Variants in PRMT7 observed in about 807,000 individuals in gnomAD.
The protein encoded by PRMT7 is protein arginine N-methyltransferase 7.
Under a neutral mutation model 85.4 loss-of-function variants are expected in PRMT7, and 75 were observed. The ratio of observed to expected loss-of-function variants is 0.88; its 90% confidence interval spans 0.73 to 1.06. The LOEUF is 1.06. Among genes scored for constraint, PRMT7 ranks in the 50% least tolerant of loss-of-function variants. PRMT7 has a pLI of 0.00. For synonymous variants in PRMT7, 397 were observed against 359.5 expected (o/e 1.10, Z -1.18); for missense variants, 868 against 915.2 (o/e 0.95, Z 0.67).
intron 14 of PRMT7, among the ~76,000 whole-genome samples, chr16:68,350,476 T>TG (rs2087146981): frequency 6.6e-6 from 1 of 152,164 alleles, no homozygotes; most frequent in Non-Finnish European, 1.5e-5. Flanking sequence ...AGTGTGGTGA[T>TG]GTCTCCACAT....
intron 6 of PRMT7, among the ~76,000 whole-genome samples, chr16:68,333,559 A>G (rs8057519): frequency 1 from 151,703 of 152,244 alleles, 75,583 homozygotes; most frequent in Middle Eastern, 1. Flanking sequence ...CAGGCCTCAC[A>G]CAGTCCTTCT....
At chr16:68,359,617 G>A (rs1451562478), downstream of PRMT7, 1 of 152,744 alleles carries the variant, frequency 6.5e-6, no homozygotes, top group Non-Finnish European at 1.5e-5. Flanking sequence ...CACCAGGAGG[G>A]GCTGACAGCA....
intron 15 of PRMT7, 106 bp downstream of exon 15, chr16:68,352,515 G>A (rs762916276): frequency 2.8e-5 from 32 of 1,123,880 alleles, no homozygotes; most frequent in Non-Finnish European, 3.8e-5. Flanking sequence ...AGGCCTTGAT[G>A]ATTTGAGCTT....
At chr16:68,324,450 A>G in intron 4 of PRMT7, 1 of 559,994 alleles carries the variant, frequency 1.8e-6, no homozygotes. Flanking sequence ...CTCTGGCATC[A>G]CTTAGTAGAG....
chr16:68,345,571 T>A (rs571906706), intron 9 of PRMT7, 104 bp from the exon 10 acceptor site: 4 of 1,515,644 alleles, frequency 2.6e-6, no homozygotes, highest in Middle Eastern at 2.3e-4. Flanking sequence ...TAGTCTACAT[T>A]GTGGACGTCC....
chr16:68,321,618 C>CT, intron 4 of PRMT7, 156 bp downstream of exon 4: 1 of 626,832 alleles, frequency 1.6e-6, no homozygotes, highest in East Asian at 2.8e-5. Context: ...GGTCCTACTT[C>CT]TGGCTCTATT....
chr16:68,325,534 C>T (rs934027306), intron 5 of PRMT7, among the ~76,000 whole-genome samples: 1 of 151,820 alleles, frequency 6.6e-6, no homozygotes, highest in Admixed American at 6.6e-5. Context: ...GTGTCTCACC[C>T]CTGTAATCCC....
Position 68,315,909 on chromosome 16 carries a change from C to T in PRMT7, c.-71C>T. ...CTGATGTTAATAGATTTCTGACAGT[C>T]AGACTTGTCCACAAGAACTCAACTG... On this transcript the variant is annotated 5_prime_UTR_variant, in exon 3 of 19. Coordinates refer to ENST00000441236, the MANE Select transcript of PRMT7 (RefSeq NM_019023.5). The T allele has an allele frequency of 7.9e-7, 1 of 1,259,406 alleles. No individual in the cohort carries two copies. 78.0% of individuals were successfully genotyped at this position (1,259,406 alleles called of 1,614,324 possible).
intron 4 of PRMT7, among the ~76,000 whole-genome samples, chr16:68,322,187 G>GT (rs1240343302): frequency 1.4e-4 from 21 of 152,080 alleles, no homozygotes; most frequent in African/African-American, 5.1e-4. Flanking sequence ...GGCCTTCACT[G>GT]TAGTTTTAAT....
At position 68,339,460 on chromosome 16, in the gene PRMT7, G is replaced by A; in HGVS notation, c.643G>A (p.Asp215Asn). ...LGEQVIVPPV[D>N]VESCPGAPSV... ...AGAGCAGGTCATCGTCCCTCCCGTT[G>A]ACGTGGAGAGCTGCCCTGGCGCACC... Residue 215 changes from aspartate to asparagine, a missense_variant, in exon 8 of 19, where the codon GAC (aspartate) becomes AAC (asparagine). Physicochemically the swap from Asp to Asn is conservative, Grantham distance 23. Transcript: ENST00000441236. 6.2e-7 allele frequency: 1 copy of A among 1,614,230 alleles called. No homozygotes were observed. The highest frequency in any genetic ancestry group is 8.5e-7 in the Non-Finnish European group (1 of 1,180,042).
downstream of PRMT7, chr16:68,360,253 T>G (rs1188494613): frequency 6.6e-6 from 1 of 152,324 alleles, no homozygotes; most frequent in East Asian, 1.9e-4. Context: ...AAGAAGAGGA[T>G]GTGTTGGTTT....
intron 6 of PRMT7, among the ~76,000 whole-genome samples, chr16:68,335,973 C>T (rs1338456436): frequency 1.3e-5 from 2 of 152,116 alleles, no homozygotes; most frequent in South Asian, 2.1e-4. Context: ...GACAGGGTTT[C>T]ACCACGTTGG....
intron 6 of PRMT7, among the ~76,000 whole-genome samples, chr16:68,334,982 A>G (rs1428976294): frequency 6.6e-6 from 1 of 152,014 alleles, no homozygotes; most frequent in Non-Finnish European, 1.5e-5. Context: ...TTTTTAGTAG[A>G]GACAAGGTTT....
In PRMT7 at chr16:68,331,285, G is replaced by A. The variant is rs183670986; in HGVS notation, c.391+2111G>A. ...CACACTGTTCATGTCTTGGGGGTCC[G>A]TTCTTTTGTGTTACTGAGCAGCACT... On this transcript the variant is annotated intron_variant, in intron 6 of 18. Transcript: ENST00000441236. Among the ~76,000 whole-genome samples, 33 of 152,078 alleles carry A rather than the reference G, an allele frequency of 2.2e-4. No homozygotes were observed. In the South Asian group the frequency reaches 4.6e-3, roughly 21 times the overall value.
chr16:68,327,106 C>T (rs1005740190), intron 5 of PRMT7, among the ~76,000 whole-genome samples: 3 of 152,170 alleles, frequency 2.0e-5, no homozygotes, highest in African/African-American at 7.2e-5. Context: ...TAATCAATTG[C>T]ACAACTGGAG....
intron 1 of PRMT7, 163 bp downstream of exon 1, chr16:68,311,262 G>A (rs1045228239): frequency 6.8e-6 from 3 of 439,084 alleles, no homozygotes; most frequent in African/African-American, 6.1e-5. Context: ...CAGGAGAGCG[G>A]GGTTCTAGGC....
Position 68,347,283 on chromosome 16 carries a change from G to C in PRMT7, c.1264G>C (p.Gly422Arg), listed in dbSNP as rs146284050. The change falls in exon 12 of 19, where the codon GGG becomes CGG. Residue 422 changes from glycine to arginine, a missense_variant. Gly to Arg is a moderately radical substitution (Grantham distance 125, BLOSUM62 -2). Coordinates refer to ENST00000441236, the MANE Select transcript of PRMT7 (RefSeq NM_019023.5). ...GCTCTCCGTGCTGGCCCATCACCTG[G>C]GGGTGGAGCAGGTACTGACATGCAC... ...SLLSVLAHHL[G>R]VEQVFTVESS... The C allele has an allele frequency of 1.1e-4, 173 of 1,546,724 alleles. No individual in the cohort carries two copies. In the African/African-American group the frequency reaches 2.3e-3, roughly 20 times the overall value.
At position 68,357,189 on chromosome 16, in the gene PRMT7, A is replaced by T; in HGVS notation, c.2044A>T (p.Ile682Phe). 6.2e-7 allele frequency: 1 copy of T among 1,613,904 alleles called. No homozygotes were observed. Among genetic ancestry groups the T allele is most frequent in the Non-Finnish European group, 8.5e-7 (1 of 1,179,954 alleles). The change falls in exon 19 of 19, where the codon ATC (isoleucine) becomes TTC (phenylalanine). Residue 682 changes from isoleucine to phenylalanine, a missense_variant. Transcript: ENST00000441236. Reference protein sequence around the residue: ...VEFHPDTGDIIMEFRHADTPD With the variant: ...VEFHPDTGDIFMEFRHADTPD ...GTTTCACCCCGACACAGGCGACATCATCATGGAGTTCAGGCATGCAGATAC... is the reference window on the plus strand; with the variant it reads ...GTTTCACCCCGACACAGGCGACATCTTCATGGAGTTCAGGCATGCAGATAC...
intron 4 of PRMT7, among the ~76,000 whole-genome samples, chr16:68,321,907 C>G (rs1597164151): frequency 1.3e-5 from 2 of 152,096 alleles, no homozygotes; most frequent in East Asian, 3.9e-4. Context: ...ACATCAGATC[C>G]TCTCCCTTAG....
Sources: gnomAD v4.1 joint callset for allele counts (sites outside exome capture counted in the v4.1 genomes callset) on GRCh38, gnomAD v4.1.1 for gene constraint, MANE v1.5 for transcripts, NCBI Gene and HGNC (gene_info 2026-07-23, HGNC 2026-07-21) for gene names.